The following GRXCR2 variants were observed in gnomAD, a reference collection of about 807,000 sequenced individuals.
GRXCR2 encodes the protein glutaredoxin domain-containing cysteine-rich protein 2.
Under a neutral mutation model 24.8 loss-of-function variants are expected in GRXCR2, and 23 were observed. That is an observed-to-expected ratio of 0.93 (90% CI 0.67 to 1.32). GRXCR2 has a LOEUF of 1.32. GRXCR2 is among the 40% of genes most tolerant of loss of function. GRXCR2 has a pLI of 0.00. For synonymous variants in GRXCR2, 130 were observed against 116.1 expected, an observed-to-expected ratio of 1.12 and a Z score of -0.77; for missense variants, 315 against 303.4, an observed-to-expected ratio of 1.04 and a Z score of -0.28.
chr5:145,919,946 G>C (rs530143484), intron 2 of GRXCR2, among the ~76,000 whole-genome samples: 1 of 152,038 alleles, frequency 6.6e-6, no homozygotes, highest in Non-Finnish European at 1.5e-5. Flanking sequence ...AGTCTGTTCT[G>C]GGCTGACAAA....
intron 2 of GRXCR2, among the ~76,000 whole-genome samples, chr5:145,895,787 A>G (rs1472080068): frequency 2.0e-5 from 3 of 152,204 alleles, no homozygotes; most frequent in Non-Finnish European, 4.4e-5. Flanking sequence ...ACTACTTTAA[A>G]GTTCGTATGG....
intron 2 of GRXCR2, among the ~76,000 whole-genome samples, chr5:145,902,554 T>C (rs910105800): frequency 7.9e-5 from 12 of 152,198 alleles, no homozygotes; most frequent in African/African-American, 2.7e-4. Context: ...TCCTCTGGAA[T>C]GAATGAACTG....
intron 2 of GRXCR2, among the ~76,000 whole-genome samples, chr5:145,860,966 C>G (rs148345361): frequency 1.5e-3 from 224 of 152,178 alleles, no homozygotes; most frequent in African/African-American, 4.9e-3. Context: ...CTTGCTCTCC[C>G]CCTTAAAGCT....
At chr5:145,923,732 A>G (rs1298229431) in intron 2 of GRXCR2, among the ~76,000 whole-genome samples, 1 of 152,192 alleles carries the variant, frequency 6.6e-6, no homozygotes, top group Non-Finnish European at 1.5e-5. Flanking sequence ...TGTTATGAGT[A>G]TTATGAGCAC....
At chr5:145,918,774 T>A (rs1757278292) in intron 2 of GRXCR2, among the ~76,000 whole-genome samples, 2 of 152,206 alleles carry the variant, frequency 1.3e-5, no homozygotes, top group Middle Eastern at 3.4e-3. Flanking sequence ...TGCTCTCCAT[T>A]AATATTTACT....
At chr5:145,886,662 C>T (rs1756784031) in intron 2 of GRXCR2, among the ~76,000 whole-genome samples, 1 of 152,046 alleles carries the variant, frequency 6.6e-6, no homozygotes, top group Non-Finnish European at 1.5e-5. Context: ...TGAAAAATGG[C>T]CCTGAGTTTT....
chr5:145,925,466 G>A (rs528260154), intron 2 of GRXCR2, among the ~76,000 whole-genome samples: 3 of 152,146 alleles, frequency 2.0e-5, no homozygotes, highest in Non-Finnish European at 4.4e-5. Flanking sequence ...TGAACACAAA[G>A]GGTCACAGAG....
At chr5:145,921,967 T>C (rs1483403651) in intron 2 of GRXCR2, among the ~76,000 whole-genome samples, 3 of 152,286 alleles carry the variant, frequency 2.0e-5, no homozygotes, top group Admixed American at 6.5e-5. Flanking sequence ...AAATGATAAA[T>C]GAAAAACTCT....
At chr5:145,899,683 T>C (rs1444635163) in intron 2 of GRXCR2, among the ~76,000 whole-genome samples, 1 of 152,150 alleles carries the variant, frequency 6.6e-6, no homozygotes, top group African/African-American at 2.4e-5. Context: ...ATTCAATAAA[T>C]AGTGCTGGGA....
intron 2 of GRXCR2, among the ~76,000 whole-genome samples, chr5:145,927,574 G>T (rs1382421090): frequency 6.6e-6 from 1 of 152,198 alleles, no homozygotes; most frequent in Non-Finnish European, 1.5e-5. Flanking sequence ...TCCCAGGGAT[G>T]AAGCCCGCTT....
In GRXCR2 at chr5:145,869,567, T is replaced by A. The variant is rs1221246061; in HGVS notation, c.337-2839A>T. 2.0e-5 allele frequency among the ~76,000 whole-genome samples: 3 copies of A among 151,388 alleles called. No homozygotes were observed. In the East Asian group the frequency reaches 5.8e-4, roughly 29 times the overall value. ...TCTTTCTCTCTCTCTCTCTTTTTTT[T>A]TTTTTTTTGAGACGGAGTCTTGCTC... On this transcript the variant is annotated intron_variant, in intron 1 of 2. Transcript: ENST00000377976.
At chr5:145,881,406 T>C (rs947849591) in intron 2 of GRXCR2, among the ~76,000 whole-genome samples, 11 of 152,344 alleles carry the variant, frequency 7.2e-5, no homozygotes, top group Admixed American at 2.6e-4. Flanking sequence ...AGCCAAATCA[T>C]GAGTGAACTC....
chr5:145,883,862 T>C (rs1419026848), intron 2 of GRXCR2, among the ~76,000 whole-genome samples: 1 of 152,212 alleles, frequency 6.6e-6, no homozygotes, highest in African/African-American at 2.4e-5. Context: ...CACTCCAGCC[T>C]GGGCGACAGA....
At chr5:145,912,460 C>T (rs6580390) in intron 2 of GRXCR2, among the ~76,000 whole-genome samples, 37,820 of 152,102 alleles carry the variant, frequency 0.25, 6,490 homozygotes, top group African/African-American at 0.48. Context: ...GCTGGAGTTA[C>T]AGCAATGAGC....
At chr5:145,874,583 AT>A, upstream of GRXCR2, among the ~76,000 whole-genome samples, 1 of 152,090 alleles carries the variant, frequency 6.6e-6, no homozygotes, top group Admixed American at 6.6e-5. Flanking sequence ...CATCACTTTG[AT>A]TTTTAAAGTT....
intron 2 of GRXCR2, among the ~76,000 whole-genome samples, chr5:145,897,724 G>C (rs1373747376): frequency 6.6e-6 from 1 of 152,030 alleles, no homozygotes; most frequent in East Asian, 1.9e-4. Context: ...ATTACTTTTG[G>C]TAAGCAACAA....
In GRXCR2 at chr5:145,890,806, G is replaced by A. The variant is rs59159844; in HGVS notation, c.-69-24078C>T. On this transcript the variant is annotated intron_variant, in intron 2 of 3. Coordinates refer to the GRXCR2 transcript ENST00000639411. ...TGAATGCAGATGGTCTAAACACCCC[G>A]TTTAAAAGTCACAGAAGGGCAAGTT... Among the ~76,000 whole-genome samples the A allele has an allele frequency of 2.5e-3, 373 of 150,178 alleles. 1 individual carries two copies. Among genetic ancestry groups the A allele is most frequent in the East Asian group, 0.016 (79 of 5,062 alleles).
rs1409319242 is a variant in GRXCR2, at chr5:145,858,813, C to G, written c.*920G>C. On this transcript the variant is annotated 3_prime_UTR_variant, in exon 3 of 3. Transcript: ENST00000377976. The stretch of plus-strand genomic sequence containing the variant: ...AAGAATCATCCTTACTATGCATATT[C>G]ATGGATAGTAGAAACATTACTGCTA... 1 of 152,100 alleles carries G rather than the reference C, an allele frequency of 6.6e-6. No individual in the cohort carries two copies. The highest frequency in any genetic ancestry group is 1.5e-5 in the Non-Finnish European group (1 of 68,040). The allele number at this position is 152,100 out of a possible 1,614,324, so 9.4% of individuals were successfully genotyped here. A position where few individuals can be genotyped will look rare whatever the true frequency, so the allele number is the denominator to read the frequency against.
chr5:145,885,097 CTGTG>C lies in GRXCR2; in HGVS notation c.-69-18373_-69-18370del, dbSNP rs59158357. Among the ~76,000 whole-genome samples, 114 of 147,798 alleles carry C rather than the reference CTGTG, an allele frequency of 7.7e-4. No individual in the cohort carries two copies. The Middle Eastern group carries it at 0.01, about 14-fold the overall frequency. On this transcript the variant is annotated intron_variant, in intron 2 of 3. Coordinates refer to the GRXCR2 transcript ENST00000639411. ...ATTATCATGCAGCATGTGTGTGTGT[CTGTG>C]TGTGTGTGTGTGTGTGTGTGTCTGT...
Sources: gnomAD v4.1 joint callset for allele counts (sites outside exome capture counted in the v4.1 genomes callset) on GRCh38, gnomAD v4.1.1 for gene constraint, MANE v1.5 for transcripts, NCBI Gene and HGNC (gene_info 2026-07-23, HGNC 2026-07-21) for gene names.